ZNF143: variants seen among roughly 807,000 people sequenced by gnomAD.
The protein encoded by ZNF143 is SPH-binding factor.
Under a neutral mutation model 74.1 loss-of-function variants are expected in ZNF143, and 49 were observed. That is an observed-to-expected ratio of 0.66 (90% CI 0.53 to 0.84). ZNF143 has a LOEUF of 0.84. ZNF143 is among the 40% of genes least tolerant of loss of function. ZNF143 has a pLI of 0.00. For missense variants in ZNF143, 637 were observed against 793.4 expected (o/e 0.80, Z 2.37); for synonymous variants, 304 against 282.8 (o/e 1.07, Z -0.75).
intron 7 of ZNF143, among the ~76,000 whole-genome samples, chr11:9,486,573 T>G (rs1847560380): frequency 7.2e-6 from 1 of 138,996 alleles, no homozygotes; most frequent in Non-Finnish European, 1.5e-5. Flanking sequence ...TCTGTGTGTT[T>G]TACACAGTAG....
In ZNF143 at chr11:9,527,736, A is replaced by G; in HGVS notation, c.*123A>G. 2 of 793,498 alleles carry G rather than the reference A, an allele frequency of 2.5e-6. No individual in the cohort carries two copies. The highest frequency in any genetic ancestry group is 2.5e-4 in the Middle Eastern group (1 of 3,994). 49.2% of individuals were successfully genotyped at this position (793,498 alleles called of 1,614,324 possible). On this transcript the variant is annotated 3_prime_UTR_variant, in exon 16 of 16. Transcript: ENST00000396602. ...TTCCTGATACACTGTACACATTTTT[A>G]TGCGAGAGTGGAGAACATTTTATTC...
chr11:9,497,200 A>G (rs1473072868), intron 9 of ZNF143, among the ~76,000 whole-genome samples: 1 of 152,204 alleles, frequency 6.6e-6, no homozygotes, highest in African/African-American at 2.4e-5. Flanking sequence ...AATTTTCAGC[A>G]TGGCAGTCCC....
intron 15 of ZNF143, 37 bp from the exon 16 acceptor site, chr11:9,527,493 G>C (rs2134297712): frequency 6.3e-7 from 1 of 1,595,826 alleles, no homozygotes; most frequent in Non-Finnish European, 8.6e-7. Context: ...TGTGGCTTTT[G>C]AATTGTTAGC....
chr11:9,494,912 A>G, intron 8 of ZNF143, 147 bp downstream of exon 8: 1 of 850,628 alleles, frequency 1.2e-6, no homozygotes, highest in African/African-American at 1.7e-5. Flanking sequence ...ACAGACATGT[A>G]AAAACCTATG....
At position 9,479,457 on chromosome 11, in the gene ZNF143, A is replaced by C. The variant is rs1469251290; in HGVS notation, c.571-15A>C. On this transcript the variant is annotated splice_polypyrimidine_tract_variant and intron_variant, in intron 6 of 15. Coordinates refer to ENST00000396602, the MANE Select transcript of ZNF143 (RefSeq NM_003442.6). ...AAAATGTAAAACATTTTAAAGCTTTATTTTATTCCTATAGGTGTCCATTGA... is the reference window on the plus strand; with the variant it reads ...AAAATGTAAAACATTTTAAAGCTTTCTTTTATTCCTATAGGTGTCCATTGA... 6.2e-7 allele frequency: 1 copy of C among 1,603,316 alleles called. No individual in the cohort carries two copies. Among genetic ancestry groups the C allele is most frequent in the South Asian group, 1.1e-5 (1 of 89,704 alleles).
chr11:9,504,727 T>C (rs1002660515), intron 11 of ZNF143, among the ~76,000 whole-genome samples: 1 of 113,182 alleles, frequency 8.8e-6, no homozygotes. Context: ...CAGGCTGGAG[T>C]GCAATGGCGT....
At chr11:9,512,654 G>A (rs1848592352) in intron 13 of ZNF143, 58 bp downstream of exon 13, 1 of 1,602,448 alleles carries the variant, frequency 6.2e-7, no homozygotes, top group Non-Finnish European at 8.5e-7. Context: ...GGGCTTGAAA[G>A]GCAGGCTGGG....
intron 7 of ZNF143, among the ~76,000 whole-genome samples, chr11:9,484,426 G>A (rs1199731893): frequency 6.6e-6 from 1 of 150,518 alleles, no homozygotes; most frequent in Admixed American, 6.6e-5. Flanking sequence ...TGTTGGCCAG[G>A]CTGATCACAA....
intron 5 of ZNF143, among the ~76,000 whole-genome samples, chr11:9,477,198 T>TTTCCCTCCCTTCCCTTCC (rs1856976082): frequency 9.5e-6 from 1 of 105,078 alleles, no homozygotes; most frequent in East Asian, 2.7e-4. Context: ...CTTTCCCTCC[T>TTTCCCTCCCTTCCCTTCC]TTCCCTCCCT....
At chr11:9,464,028 T>C (rs1478484039) in intron 1 of ZNF143, among the ~76,000 whole-genome samples, 2 of 152,158 alleles carry the variant, frequency 1.3e-5, no homozygotes, top group Non-Finnish European at 2.9e-5. Context: ...TTCAGATAGA[T>C]AGATCTCATT....
intron 14 of ZNF143, among the ~76,000 whole-genome samples, chr11:9,523,365 T>C (rs1368330238): frequency 6.6e-6 from 1 of 152,196 alleles, no homozygotes; most frequent in Non-Finnish European, 1.5e-5. Flanking sequence ...CCTTAGTTTC[T>C]CAGCCTTCTA....
At chr11:9,513,363 T>C (rs1252033838) in intron 13 of ZNF143, among the ~76,000 whole-genome samples, 1 of 152,242 alleles carries the variant, frequency 6.6e-6, no homozygotes, top group Non-Finnish European at 1.5e-5. Context: ...TTCCTCACTT[T>C]GACGTCACTA....
chr11:9,486,396 A>AATATATATAATATATATAAT (rs1554964417), intron 7 of ZNF143, among the ~76,000 whole-genome samples: 7 of 11,918 alleles, frequency 5.9e-4, no homozygotes, highest in South Asian at 2.3e-3. Context: ...TAATATATAT[A>AATATATATAATATATATAAT]ATATATTATA....
intron 11 of ZNF143, 22 bp from the exon 12 acceptor site, chr11:9,508,597 T>G: frequency 1.2e-6 from 2 of 1,600,424 alleles, no homozygotes; most frequent in Non-Finnish European, 1.7e-6. Flanking sequence ...AAGTTGAACT[T>G]TTTTTTGGTG....
intron 1 of ZNF143, chr11:9,461,997 C>G (rs2133796129): frequency 6.6e-6 from 1 of 152,322 alleles, no homozygotes; most frequent in East Asian, 1.9e-4. Flanking sequence ...TGTCCTGAAT[C>G]TTACCAGAAG....
intron 1 of ZNF143, among the ~76,000 whole-genome samples, chr11:9,470,546 G>A (rs536590842): frequency 2.0e-5 from 3 of 152,280 alleles, no homozygotes; most frequent in African/African-American, 7.2e-5. Flanking sequence ...GTTTCAGGCA[G>A]AAGGAAACTC....
intron 13 of ZNF143, among the ~76,000 whole-genome samples, chr11:9,512,809 G>A (rs1169736975): frequency 6.6e-6 from 1 of 152,196 alleles, no homozygotes; most frequent in Non-Finnish European, 1.5e-5. Context: ...GGTATTCTTG[G>A]TGTAGTTCAA....
At chr11:9,496,236 T>C (rs1847952899) in intron 8 of ZNF143, 67 bp from the exon 9 acceptor site, 2 of 1,422,848 alleles carry the variant, frequency 1.4e-6, no homozygotes, top group East Asian at 4.6e-5. Context: ...AAAGTAGTTC[T>C]GTGTTGCAAC....
intron 1 of ZNF143, among the ~76,000 whole-genome samples, chr11:9,465,464 G>A (rs1038631844): frequency 1.3e-5 from 2 of 151,626 alleles, no homozygotes; most frequent in Non-Finnish European, 2.9e-5. Context: ...GATTACAGGT[G>A]CAAGCCACCG....
Sources: gnomAD v4.1 joint callset for allele counts (sites outside exome capture counted in the v4.1 genomes callset) on GRCh38, gnomAD v4.1.1 for gene constraint, MANE v1.5 for transcripts, NCBI Gene and HGNC (gene_info 2026-07-23, HGNC 2026-07-21) for gene names.